VCL: variants seen among roughly 807,000 people sequenced by gnomAD.
VCL encodes the protein vinculin, also known as epididymis luminal protein 114.
A neutral mutation model predicts 125.7 loss-of-function variants in VCL; 47 were observed. The observed-to-expected ratio is 0.37, with a 90% CI of 0.30 to 0.48. VCL has a LOEUF of 0.48. Among genes scored for constraint, VCL ranks in the 20% least tolerant of loss-of-function variants. VCL has a pLI of 0.99. For synonymous variants in VCL, 458 were observed against 514.6 expected (o/e 0.89, Z 1.49); for missense variants, 1,069 against 1,455.5 (o/e 0.73, Z 4.32).
intron 1 of VCL, among the ~76,000 whole-genome samples, chr10:74,009,842 C>G (rs1327345752): frequency 1.4e-4 from 21 of 151,472 alleles, no homozygotes; most frequent in Non-Finnish European, 1.5e-5. Context: ...CTCCTGACCT[C>G]AAATGAACCA....
Position 74,071,366 on chromosome 10 carries a change from T to C in VCL, c.499+283T>C, listed in dbSNP as rs1841661574. ...AAATACTTTTCTGTTACTGTAATGC[T>C]GAAGGCCATCCTGCATCCTGACCTC... On this transcript the variant is annotated intron_variant, in intron 4 of 21. Transcript: ENST00000211998. The surrounding 1 kb of genome is among the most constrained non-coding windows in gnomAD (Gnocchi z 4.1). Among the ~76,000 whole-genome samples, 1 of 152,226 alleles carries C rather than the reference T, an allele frequency of 6.6e-6. No individual in the cohort carries two copies. Among genetic ancestry groups the C allele is most frequent in the African/African-American group, 2.4e-5 (1 of 41,466 alleles).
rs1359908287 is a variant in VCL, at chr10:74,063,396, G to A, written c.240-7274G>A. Among the ~76,000 whole-genome samples, 10 of 152,126 alleles carry A rather than the reference G, an allele frequency of 6.6e-5. No individual in the cohort carries two copies. The East Asian group carries it at 1.7e-3, about 26-fold the overall frequency. On this transcript the variant is annotated intron_variant, in intron 2 of 21. Coordinates refer to ENST00000211998, the MANE Select transcript of VCL (RefSeq NM_014000.3). Reference sequence around the variant, plus strand: ...GCCAGAAGTCCAAAGTGAGTCAGCAGGGCCACATTCTTTCTGGAAACTCTA... The same window carrying A: ...GCCAGAAGTCCAAAGTGAGTCAGCAAGGCCACATTCTTTCTGGAAACTCTA...
chr10:74,113,653 T>C (rs537838215), intron 19 of VCL, among the ~76,000 whole-genome samples: 6 of 152,210 alleles, frequency 3.9e-5, no homozygotes, highest in Admixed American at 6.5e-5. Flanking sequence ...GCAAGAACGC[T>C]TGGCTGCTAT....
At chr10:74,001,354 A>C (rs563661907) in intron 1 of VCL, among the ~76,000 whole-genome samples, 26 of 152,326 alleles carry the variant, frequency 1.7e-4, no homozygotes, top group Admixed American at 1.6e-3. Context: ...AAATAGAGAC[A>C]GGGTCTTGTT....
intron 1 of VCL, among the ~76,000 whole-genome samples, chr10:73,999,244 C>T (rs887549913): frequency 2.0e-5 from 3 of 152,202 alleles, no homozygotes; most frequent in African/African-American, 7.2e-5. Flanking sequence ...TTGGGAGAGG[C>T]CTGTGGAATC....
chr10:74,089,902 G>A (rs1839849951), intron 9 of VCL, 121 bp from the exon 10 acceptor site: 1 of 1,131,542 alleles, frequency 8.8e-7, no homozygotes, highest in Non-Finnish European at 1.3e-6. Context: ...ATAAAGATCA[G>A]AATTATAAAA....
At chr10:74,069,365 T>C (rs1015447000) in intron 2 of VCL, among the ~76,000 whole-genome samples, 1 of 152,160 alleles carries the variant, frequency 6.6e-6, no homozygotes, top group African/African-American at 2.4e-5. Context: ...TCTGCCAATG[T>C]TTGTGTCTTG....
In VCL at chr10:74,072,839, A is replaced by G; in HGVS notation, c.609A>G (p.Pro203=). 2 of 1,614,080 alleles carry G rather than the reference A, an allele frequency of 1.2e-6. No homozygotes were observed. Among genetic ancestry groups the G allele is most frequent in the Non-Finnish European group, 1.7e-6 (2 of 1,179,978 alleles). ...TGAACACCGTGAAAGAGTTGCTGCCAGTTCTCATTTCAGGTACTTCCTGCC... is the reference window on the plus strand; with the variant it reads ...TGAACACCGTGAAAGAGTTGCTGCCGGTTCTCATTTCAGGTACTTCCTGCC... ...NSMNTVKELL[P]VLISAMKIFV... The change falls in exon 5 of 22, where the codon CCA becomes CCG. Residue 203 remains proline (P), a synonymous_variant. Coordinates refer to ENST00000211998, the MANE Select transcript of VCL (RefSeq NM_014000.3).
intron 1 of VCL, among the ~76,000 whole-genome samples, chr10:74,034,344 G>T (rs1840934688): frequency 6.6e-6 from 1 of 151,980 alleles, no homozygotes; most frequent in Admixed American, 6.6e-5. Context: ...CCATTTTCCA[G>T]CTATGTTTCC....
chr10:74,006,361 G>T (rs1840324509), intron 1 of VCL, among the ~76,000 whole-genome samples: 1 of 152,180 alleles, frequency 6.6e-6, no homozygotes, highest in South Asian at 2.1e-4. Flanking sequence ...TTTATAAATA[G>T]AGCTGGTATA....
chr10:74,114,400 A>G lies in VCL; in HGVS notation c.3153+13A>G. Reference sequence around the variant, plus strand: ...CAACCTCTTACAGGTACTCGGGGAAAGAGGCTGCGTGTGTGTGTGTGTGTG... The same window carrying G: ...CAACCTCTTACAGGTACTCGGGGAAGGAGGCTGCGTGTGTGTGTGTGTGTG... On this transcript the variant is annotated intron_variant, in intron 20 of 21. Coordinates refer to ENST00000211998, the MANE Select transcript of VCL (RefSeq NM_014000.3). 6.2e-7 allele frequency: 1 copy of G among 1,604,178 alleles called. No homozygotes were observed. Among genetic ancestry groups the G allele is most frequent in the South Asian group, 1.1e-5 (1 of 90,778 alleles).
chr10:74,102,744 A>G (rs1840079138), intron 14 of VCL, among the ~76,000 whole-genome samples: 1 of 152,274 alleles, frequency 6.6e-6, no homozygotes, highest in Admixed American at 6.5e-5. Flanking sequence ...AACATGGAAC[A>G]TAAAATACAA....
chr10:74,013,426 G>T (rs1287699653), intron 1 of VCL, among the ~76,000 whole-genome samples: 1 of 152,064 alleles, frequency 6.6e-6, no homozygotes, highest in African/African-American at 2.4e-5. Flanking sequence ...AAACATGGAT[G>T]TAGAATTCTC....
At chr10:74,049,648 G>A (rs926700517) in intron 2 of VCL, among the ~76,000 whole-genome samples, 3 of 152,074 alleles carry the variant, frequency 2.0e-5, no homozygotes, top group Admixed American at 1.3e-4. Context: ...TGGTGGGGGT[G>A]GTAGGAACTA....
intron 2 of VCL, among the ~76,000 whole-genome samples, chr10:74,049,266 A>G (rs1370307078): frequency 6.6e-6 from 1 of 152,156 alleles, no homozygotes; most frequent in Non-Finnish European, 1.5e-5. Context: ...ATGGGAGATA[A>G]AATAGTGGAA....
At chr10:74,096,075 G>T (rs1260974118) in intron 12 of VCL, among the ~76,000 whole-genome samples, 3 of 151,682 alleles carry the variant, frequency 2.0e-5, no homozygotes, top group Admixed American at 2.0e-4. Flanking sequence ...ACTCAGTCAA[G>T]AGCCCTTTCG....
chr10:74,109,465 C>T (rs894579692), intron 18 of VCL, among the ~76,000 whole-genome samples: 3 of 152,118 alleles, frequency 2.0e-5, no homozygotes, highest in Non-Finnish European at 4.4e-5. Context: ...TTAGAAATTG[C>T]TTATCTTTCT....
chr10:74,013,243 G>A (rs1840469185), intron 1 of VCL, among the ~76,000 whole-genome samples: 1 of 152,082 alleles, frequency 6.6e-6, no homozygotes, highest in Non-Finnish European at 1.5e-5. Context: ...TGCCAATTAG[G>A]AAAGTAGCTG....
At chr10:74,046,647 G>T (rs1019749692) in intron 2 of VCL, among the ~76,000 whole-genome samples, 1 of 152,218 alleles carries the variant, frequency 6.6e-6, no homozygotes, top group African/African-American at 2.4e-5. Flanking sequence ...CTTGTAGCAG[G>T]TTGCCCCTCA....
Sources: gnomAD v4.1 joint callset for allele counts (sites outside exome capture counted in the v4.1 genomes callset) on GRCh38, gnomAD v4.1.1 for gene constraint, Gnocchi (gnomAD v3.1) non-coding constraint, MANE v1.5 for transcripts, NCBI Gene and HGNC (gene_info 2026-07-23, HGNC 2026-07-21) for gene names.